PSD3: variants seen among roughly 807,000 people sequenced by gnomAD.
PSD3 encodes the protein pleckstrin and Sec7 domain containing 3.
Under a neutral mutation model 105.5 loss-of-function variants are expected in PSD3, and 49 were observed. The observed-to-expected ratio is 0.46, with a 90% confidence interval of 0.37 to 0.59. PSD3 has a LOEUF of 0.59. Ranked by LOEUF, PSD3 falls within the 20% of genes least tolerant of loss-of-function variation. The probability of loss-of-function intolerance (pLI) is 0.00; values close to 1 mark genes in which losing one functional copy is unlikely to be tolerated. For missense variants in PSD3, 1,561 were observed against 1,263.8 expected, an observed-to-expected ratio of 1.24 and a Z score of -3.57; for synonymous variants, 557 against 457.8, an observed-to-expected ratio of 1.22 and a Z score of -2.77.
intron 1 of PSD3, chr8:18,940,294 C>G (rs1380975767): frequency 6.6e-6 from 1 of 152,200 alleles, no homozygotes; most frequent in African/African-American, 2.4e-5. Flanking sequence ...CTGGAATCTT[C>G]TTAAAACAGA....
At chr8:18,679,449 C>T (rs1800261091) in intron 9 of PSD3, among the ~76,000 whole-genome samples, 1 of 152,184 alleles carries the variant, frequency 6.6e-6, no homozygotes, top group Non-Finnish European at 1.5e-5. Context: ...TTTCCTTTAA[C>T]ACGTTTATGG....
chr8:18,880,880 C>T (rs989461180), intron 2 of PSD3, among the ~76,000 whole-genome samples: 1 of 152,162 alleles, frequency 6.6e-6, no homozygotes, highest in African/African-American at 2.4e-5. Flanking sequence ...TAAATATAAA[C>T]CACACACTAG....
At chr8:18,578,049 C>T (rs1802569685) in intron 12 of PSD3, among the ~76,000 whole-genome samples, 1 of 152,022 alleles carries the variant, frequency 6.6e-6, no homozygotes, top group Non-Finnish European at 1.5e-5. Flanking sequence ...ATTGGTTTTA[C>T]TTATTGTCTG....
At chr8:18,548,881 A>T (rs1412729384) in intron 15 of PSD3, among the ~76,000 whole-genome samples, 3 of 152,186 alleles carry the variant, frequency 2.0e-5, no homozygotes, top group Non-Finnish European at 4.4e-5. Flanking sequence ...TCTACAGAGT[A>T]GTTAGAAGCC....
chr8:18,711,910 C>T (rs1802280252), intron 9 of PSD3, among the ~76,000 whole-genome samples: 1 of 152,078 alleles, frequency 6.6e-6, no homozygotes. Flanking sequence ...TGCAAAATAA[C>T]TGAAATCATA....
chr8:19,003,922 A>G (rs1324777359), intron 1 of PSD3, among the ~76,000 whole-genome samples: 2 of 151,972 alleles, frequency 1.3e-5, no homozygotes, highest in African/African-American at 2.4e-5. Flanking sequence ...CACTAAGGTC[A>G]TCATTATTAC....
chr8:18,744,104 T>G (rs1169255634), intron 9 of PSD3, among the ~76,000 whole-genome samples: 1 of 152,166 alleles, frequency 6.6e-6, no homozygotes, highest in African/African-American at 2.4e-5. Context: ...CATTCCATAC[T>G]TAATTTTGTA....
chr8:18,820,653 T>TC (rs973131401), intron 4 of PSD3, among the ~76,000 whole-genome samples: 1 of 152,280 alleles, frequency 6.6e-6, no homozygotes, highest in African/African-American at 2.4e-5. Context: ...CCATTTCTTT[T>TC]TTTTTAAATC....
At chr8:18,647,597 T>C (rs2130821165) in intron 10 of PSD3, among the ~76,000 whole-genome samples, 1 of 145,312 alleles carries the variant, frequency 6.9e-6, no homozygotes, top group African/African-American at 2.6e-5. Flanking sequence ...AGTTCATTAT[T>C]TAAAACTGTT....
chr8:18,959,985 C>T (rs1017458216), intron 1 of PSD3, among the ~76,000 whole-genome samples: 1 of 152,168 alleles, frequency 6.6e-6, no homozygotes. Flanking sequence ...GTTTTCAAAG[C>T]ACAGTACAAG....
chr8:18,673,692 T>C (rs919131464), intron 9 of PSD3, among the ~76,000 whole-genome samples: 11 of 152,254 alleles, frequency 7.2e-5, no homozygotes, highest in South Asian at 6.2e-4. Context: ...CATGAGAAAG[T>C]AGAGAGGGAA....
rs1171780299 is a variant in PSD3 at position 18,530,927 on chromosome 8, T to C, written c.*4816A>G. On this transcript the variant is annotated 3_prime_UTR_variant, in exon 16 of 16. Transcript: ENST00000327040. ...ATATATACTCTCAACAACTTCATTA[T>C]ATAATCAGTCCTATGAGGTTGTACT... The C allele has an allele frequency of 2.0e-5, 3 of 152,224 alleles. No individual in the cohort carries two copies. Among genetic ancestry groups the C allele is most frequent in the Non-Finnish European group, 4.4e-5 (3 of 68,046 alleles). The allele number at this position is 152,224 out of a possible 1,614,324, so 9.4% of individuals were successfully genotyped here.
chr8:18,699,296 T>C (rs1396078440), intron 9 of PSD3, among the ~76,000 whole-genome samples: 3 of 152,208 alleles, frequency 2.0e-5, no homozygotes, highest in Non-Finnish European at 4.4e-5. Context: ...GGCTGCTGTA[T>C]TTTTGCAAAA....
At chr8:18,542,018 G>C (rs1329732241) in intron 15 of PSD3, among the ~76,000 whole-genome samples, 1 of 152,118 alleles carries the variant, frequency 6.6e-6, no homozygotes, top group Non-Finnish European at 1.5e-5. Flanking sequence ...CTCTCAAAGT[G>C]CTGGGATTAC....
At chr8:18,951,817 T>C (rs6984155) in intron 1 of PSD3, among the ~76,000 whole-genome samples, 2,252 of 151,980 alleles carry the variant, frequency 0.015, 75 homozygotes, top group African/African-American at 0.051. Context: ...AAACCCCTCC[T>C]CCACTAAAAA....
chr8:18,990,945 AGG>A (rs922346680), intron 1 of PSD3, among the ~76,000 whole-genome samples: 11 of 152,290 alleles, frequency 7.2e-5, no homozygotes, highest in African/African-American at 2.6e-4. Flanking sequence ...GACAGTTAAA[AGG>A]ACCAGATGAT....
chr8:18,528,271 C>T lies in PSD3; in HGVS notation c.*7472G>A, dbSNP rs1799506074. 6.6e-6 allele frequency: 1 copy of T among 152,198 alleles called. No individual in the cohort carries two copies. The highest frequency in any genetic ancestry group is 1.5e-5 in the Non-Finnish European group (1 of 68,056). The allele number at this position is 152,198 out of a possible 1,614,324, so 9.4% of individuals were successfully genotyped here. ...GCACTTGAGTATTCCTCGACCCTTC[C>T]CCTAGAAAGGAAACGTTAGCCATTT... On this transcript the variant is annotated 3_prime_UTR_variant, in exon 16 of 16. Transcript: ENST00000327040.
chr8:18,789,190 C>A (rs978703154), intron 8 of PSD3, among the ~76,000 whole-genome samples: 6 of 152,152 alleles, frequency 3.9e-5, no homozygotes, highest in Non-Finnish European at 7.4e-5. Context: ...AGATACTGTT[C>A]CAGATGTCCA....
chr8:19,067,930 G>C (rs2129477811), intron 1 of PSD3, among the ~76,000 whole-genome samples: 1 of 152,250 alleles, frequency 6.6e-6, no homozygotes, highest in Middle Eastern at 3.4e-3. Flanking sequence ...TTCCAACGTG[G>C]GACCCTTGTG....
Sources: allele counts gnomAD v4.1 joint callset (sites outside exome capture counted in the v4.1 genomes callset), GRCh38; gene constraint gnomAD v4.1.1; transcripts MANE v1.5; gene names NCBI Gene and HGNC (gene_info 2026-07-23, HGNC 2026-07-21).